DIP2C: variants seen among roughly 807,000 people sequenced by gnomAD.
DIP2C encodes the protein disco-interacting protein 2 homolog C.
DIP2C carries 33 observed loss-of-function variants against 192.4 expected under a neutral mutation model. The observed-to-expected ratio is 0.17, with a 90% CI of 0.13 to 0.23. The LOEUF (loss-of-function observed/expected upper bound fraction) is 0.23. Among genes scored for constraint, DIP2C ranks in the 10% least tolerant of loss-of-function variants. DIP2C has a pLI of 1.00. For synonymous variants in DIP2C, 979 were observed against 864.1 expected, an observed-to-expected ratio of 1.13 and a Z score of -2.33; for missense variants, 1,537 against 2,110.1, an observed-to-expected ratio of 0.73 and a Z score of 5.32.
intron 17 of DIP2C, among the ~76,000 whole-genome samples, chr10:372,065 C>G (rs1242778704): frequency 6.7e-6 from 1 of 149,048 alleles, no homozygotes; most frequent in East Asian, 2.0e-4. Context: ...ATCACAAAAA[C>G]CCCCTTTCCT....
At position 277,244 on chromosome 10, in the gene DIP2C, G is replaced by A; in HGVS notation, c.*81C>T. 1.3e-6 allele frequency: 2 copies of A among 1,558,890 alleles called. No homozygotes were observed. The highest frequency in any genetic ancestry group is 1.2e-5 in the South Asian group (1 of 82,830). On this transcript the variant is annotated 3_prime_UTR_variant, in exon 37 of 37. Coordinates refer to ENST00000280886, the MANE Select transcript of DIP2C (RefSeq NM_014974.3). The stretch of plus-strand genomic sequence containing the variant: ...AAATGGCTGTATTCTGGTGAGTGTT[G>A]CCCTGTGTCTGCACGCTTCAGTGGA...
rs1027552709 is a variant in DIP2C at position 363,779 on chromosome 10, T to C, written c.2478-468A>G. ...GCACAGTCACCTCCAGTAAAAGAGA[T>C]TGTAGCTGTAAAGATAATTCAAAGG... is the stretch of plus-strand genomic sequence containing the variant. On this transcript the variant is annotated intron_variant, in intron 20 of 36. Coordinates refer to ENST00000280886, the MANE Select transcript of DIP2C (RefSeq NM_014974.3). This position sits in a 1 kb window ranked among gnomAD's most constrained non-coding sequence, Gnocchi z 5.4. Among the ~76,000 whole-genome samples the C allele has an allele frequency of 6.6e-5, 10 of 152,186 alleles. No homozygotes were observed. Among genetic ancestry groups the C allele is most frequent in the Non-Finnish European group, 1.2e-4 (8 of 68,032 alleles).
At chr10:292,536 A>G (rs1955542624) in intron 32 of DIP2C, among the ~76,000 whole-genome samples, 1 of 152,198 alleles carries the variant, frequency 6.6e-6, no homozygotes, top group South Asian at 2.1e-4. Context: ...ACTGCCCTCA[A>G]ATGGACTCAA....
intron 1 of DIP2C, among the ~76,000 whole-genome samples, chr10:658,341 GC>G (rs1199922766): frequency 1.4e-5 from 2 of 141,804 alleles, no homozygotes; most frequent in Admixed American, 1.4e-4. Flanking sequence ...CACTGGACCT[GC>G]CCCTGGACCT....
intron 1 of DIP2C, among the ~76,000 whole-genome samples, chr10:659,210 C>T (rs998923104): frequency 5.3e-5 from 8 of 152,244 alleles, no homozygotes; most frequent in South Asian, 4.1e-4. Context: ...TCCACGCATG[C>T]ATACTTGCAC....
At chr10:388,685 C>T (rs760036728) in intron 13 of DIP2C, among the ~76,000 whole-genome samples, 1 of 152,174 alleles carries the variant, frequency 6.6e-6, no homozygotes, top group South Asian at 2.1e-4. Context: ...AGAATACCCA[C>T]GAGACACACA....
intron 2 of DIP2C, chr10:484,705 G>A (rs181440696): frequency 6.5e-7 from 1 of 1,528,272 alleles, no homozygotes; most frequent in South Asian, 1.3e-5. Context: ...CGTCTGTACG[G>A]GATGGCACTC....
In DIP2C at chr10:362,665, T is replaced by A; in HGVS notation, c.2619A>T (p.Gly873=). The change falls in exon 22 of 37, where the codon GGA becomes GGT. Residue 873 remains glycine (G), a synonymous_variant. Transcript: ENST00000280886. The part of the protein sequence containing the change: ...LQAIDSIHQV[G]VYCLALVPAN... Reference sequence around the variant, plus strand: ...CTGGCACCAAGGCCAGGCAATAAACTCCAACTTGATGTATACTGTCAATCG... The same window carrying A: ...CTGGCACCAAGGCCAGGCAATAAACACCAACTTGATGTATACTGTCAATCG... 6.2e-7 allele frequency: 1 copy of A among 1,613,194 alleles called. No individual in the cohort carries two copies. Among genetic ancestry groups the A allele is most frequent in the South Asian group, 1.1e-5 (1 of 90,946 alleles).
intron 1 of DIP2C, among the ~76,000 whole-genome samples, chr10:534,225 G>C (rs1271506434): frequency 6.6e-6 from 1 of 152,218 alleles, no homozygotes; most frequent in Non-Finnish European, 1.5e-5. Context: ...CCATGCTGGA[G>C]AATCACCCCG....
At chr10:679,057 C>G (rs181605136) in intron 1 of DIP2C, among the ~76,000 whole-genome samples, 2 of 8,646 alleles carry the variant, frequency 2.3e-4, no homozygotes, top group Admixed American at 2.1e-3. Context: ...CCACACCCGT[C>G]CTCCCCGCGC....
intron 1 of DIP2C, among the ~76,000 whole-genome samples, chr10:506,605 T>TC (rs1311272406): frequency 2.6e-5 from 4 of 152,144 alleles, no homozygotes; most frequent in Non-Finnish European, 4.4e-5. Context: ...CAGAAGGCAC[T>TC]CCCAGCAACA....
chr10:607,726 G>T (rs1278287636), intron 1 of DIP2C, among the ~76,000 whole-genome samples: 1 of 152,122 alleles, frequency 6.6e-6, no homozygotes, highest in Non-Finnish European at 1.5e-5. Context: ...AACATTGTGA[G>T]CCAGAGACCA....
chr10:620,930 C>A (rs777272226), intron 1 of DIP2C, among the ~76,000 whole-genome samples: 3 of 152,200 alleles, frequency 2.0e-5, no homozygotes, highest in Admixed American at 6.5e-5. Context: ...GGCTTAACCA[C>A]GGGGTCATGT....
chr10:337,049 G>GGTGTGTGTGTGT (rs148004134), intron 29 of DIP2C, among the ~76,000 whole-genome samples: 1,012 of 37,936 alleles, frequency 0.027, 216 homozygotes, highest in East Asian at 0.1. Context: ...GGCCTAGACT[G>GGTGTGTGTGTGT]GTGTGTGTGT....
intron 1 of DIP2C, among the ~76,000 whole-genome samples, chr10:573,899 A>G (rs542226174): frequency 1.8e-4 from 27 of 152,342 alleles, no homozygotes; most frequent in African/African-American, 6.5e-4. Context: ...AGTTCTATAA[A>G]GTGGTACCAT....
At chr10:558,073 G>A (rs1319790083) in intron 1 of DIP2C, among the ~76,000 whole-genome samples, 2 of 152,038 alleles carry the variant, frequency 1.3e-5, no homozygotes, top group Non-Finnish European at 1.5e-5. Flanking sequence ...CTTCAGATTA[G>A]GGTAGTGTCC....
intron 1 of DIP2C, among the ~76,000 whole-genome samples, chr10:633,638 C>T (rs1457307289): frequency 6.6e-6 from 1 of 152,240 alleles, no homozygotes; most frequent in African/African-American, 2.4e-5. Context: ...GCTCTCCATG[C>T]AAGGTGCAAA....
intron 1 of DIP2C, among the ~76,000 whole-genome samples, chr10:591,518 G>C (rs1332476641): frequency 6.6e-6 from 1 of 152,260 alleles, no homozygotes; most frequent in East Asian, 1.9e-4. Context: ...AAGAGAACCA[G>C]TTACCCATTT....
At chr10:552,052 T>G (rs1454111161) in intron 1 of DIP2C, among the ~76,000 whole-genome samples, 1 of 152,118 alleles carries the variant, frequency 6.6e-6, no homozygotes, top group Non-Finnish European at 1.5e-5. Flanking sequence ...TCGGAAGACG[T>G]TGCACTGAAT....
Sources: gnomAD v4.1 joint callset for allele counts (sites outside exome capture counted in the v4.1 genomes callset) on GRCh38, gnomAD v4.1.1 for gene constraint, Gnocchi (gnomAD v3.1) non-coding constraint, MANE v1.5 for transcripts, NCBI Gene and HGNC (gene_info 2026-07-23, HGNC 2026-07-21) for gene names.